Variants in MAF observed in about 807,000 individuals in gnomAD.
MAF encodes transcription factor Maf.
MAF carries 10 observed loss-of-function variants against 22.0 expected under a neutral mutation model. The ratio of observed to expected loss-of-function variants is 0.45; its 90% confidence interval spans 0.28 to 0.77. MAF has a LOEUF of 0.77. MAF is among the 30% of genes least tolerant of loss of function. MAF has a pLI of 0.12. For missense variants in MAF, 544 were observed against 548.4 expected, an observed-to-expected ratio of 0.99 and a Z score of 0.08; for synonymous variants, 337 against 255.8, an observed-to-expected ratio of 1.32 and a Z score of -3.03.
chr16:79,289,306 G>A, the MAF span, among the ~76,000 whole-genome samples: 3 of 152,158 alleles, frequency 2.0e-5, no homozygotes, highest in African/African-American at 4.8e-5. Context: ...TTCTGGGATG[G>A]CGGGAGGTAG....
chr16:79,451,263 G>A, the MAF span, among the ~76,000 whole-genome samples: 1 of 152,166 alleles, frequency 6.6e-6, no homozygotes, highest in African/African-American at 2.4e-5. Flanking sequence ...GTAGTTATGT[G>A]GTAGGCATTT....
At chr16:79,220,250 C>T in the MAF span, among the ~76,000 whole-genome samples, 13 of 42,138 alleles carry the variant, frequency 3.1e-4, no homozygotes, top group East Asian at 7.5e-3. Flanking sequence ...AGTGAGACTC[C>T]ATCTCAAAAA....
At chr16:79,513,287 G>C in the MAF span, among the ~76,000 whole-genome samples, 4 of 152,222 alleles carry the variant, frequency 2.6e-5, no homozygotes, top group Admixed American at 2.0e-4. Flanking sequence ...ACAGAAACAT[G>C]ATTTTTAATT....
chr16:79,490,841 C>A, the MAF span, among the ~76,000 whole-genome samples: 1 of 152,182 alleles, frequency 6.6e-6, no homozygotes, highest in South Asian at 2.1e-4. Flanking sequence ...CACTCTTGGG[C>A]TGTCATGTTC....
downstream of MAF, among the ~76,000 whole-genome samples, chr16:79,589,659 T>G (rs1219213212): frequency 6.6e-6 from 1 of 152,130 alleles, no homozygotes; most frequent in Admixed American, 6.5e-5. Context: ...CGAGTCTTGC[T>G]CCCTCCCTCC....
At chr16:79,392,251 G>C in the MAF span, among the ~76,000 whole-genome samples, 2 of 147,698 alleles carry the variant, frequency 1.4e-5, no homozygotes, top group East Asian at 2.1e-4. Context: ...AGGAGAAAGA[G>C]AGAAAAGAGT....
At chr16:79,343,019 A>T in the MAF span, among the ~76,000 whole-genome samples, 1 of 152,330 alleles carries the variant, frequency 6.6e-6, no homozygotes, top group East Asian at 1.9e-4. Context: ...ACAGAAAAAA[A>T]GTCCTCTTGA....
Position 79,597,881 on chromosome 16 carries a change from G to A in MAF, c.1118+904C>T, listed in dbSNP as rs1913650859. On this transcript the variant is annotated intron_variant, in intron 1 of 1. Coordinates refer to ENST00000326043, the MANE Select transcript of MAF (RefSeq NM_005360.5). ...AGTTCATTGTTGCTAAGACAAAGTA[G>A]CAAGCATAATAATGCATGAGATGAG... 4 of 1,033,622 alleles carry A rather than the reference G, an allele frequency of 3.9e-6. No homozygotes were observed. The South Asian group carries it at 1.8e-4, about 48-fold the overall frequency. 64.0% of individuals were successfully genotyped at this position (1,033,622 alleles called of 1,614,324 possible). A position where few individuals can be genotyped will look rare whatever the true frequency, so the allele number is the denominator to read the frequency against.
chr16:79,341,154 T>C, the MAF span, among the ~76,000 whole-genome samples: 3 of 151,966 alleles, frequency 2.0e-5, no homozygotes, highest in Non-Finnish European at 4.4e-5. Flanking sequence ...AGAACATAGG[T>C]ACAGGTTCTG....
At chr16:79,313,105 G>A in the MAF span, among the ~76,000 whole-genome samples, 2 of 152,220 alleles carry the variant, frequency 1.3e-5, no homozygotes, top group East Asian at 3.9e-4. Flanking sequence ...CTGCAAAGGG[G>A]AATGTTAATA....
At chr16:79,248,243 T>G in the MAF span, among the ~76,000 whole-genome samples, 1 of 152,232 alleles carries the variant, frequency 6.6e-6, no homozygotes, top group South Asian at 2.1e-4. Context: ...GAGAGCCACT[T>G]AGAATTAAAT....
chr16:79,331,340 G>T, the MAF span, among the ~76,000 whole-genome samples: 2 of 152,204 alleles, frequency 1.3e-5, no homozygotes, highest in East Asian at 3.9e-4. Flanking sequence ...TGGCTTCAGA[G>T]AAACCTTAAA....
the MAF span, among the ~76,000 whole-genome samples, chr16:79,480,491 G>T: frequency 1.3e-5 from 2 of 152,178 alleles, no homozygotes; most frequent in Non-Finnish European, 2.9e-5. Flanking sequence ...GCTCAGAAGT[G>T]TGGAAATCAG....
the MAF span, among the ~76,000 whole-genome samples, chr16:79,273,391 G>T: frequency 6.6e-6 from 1 of 152,174 alleles, no homozygotes; most frequent in Admixed American, 6.5e-5. Flanking sequence ...CTTTTATCCT[G>T]ATGAGTGAAA....
chr16:79,477,623 C>T, the MAF span, among the ~76,000 whole-genome samples: 1 of 152,160 alleles, frequency 6.6e-6, no homozygotes, highest in Non-Finnish European at 1.5e-5. Flanking sequence ...TTAATCAACC[C>T]TGGTTTTCTC....
the MAF span, among the ~76,000 whole-genome samples, chr16:79,399,616 G>A: frequency 8.5e-5 from 13 of 152,152 alleles, no homozygotes; most frequent in Admixed American, 7.9e-4. Context: ...CAGCCAGGGA[G>A]GGGTGTTTTT....
chr16:79,328,876 T>A, the MAF span, among the ~76,000 whole-genome samples: 1 of 152,234 alleles, frequency 6.6e-6, no homozygotes, highest in African/African-American at 2.4e-5. Context: ...GCCAAGGCGT[T>A]TAACTCTCAG....
the MAF span, among the ~76,000 whole-genome samples, chr16:79,548,239 T>C: frequency 6.6e-6 from 1 of 152,236 alleles, no homozygotes. Flanking sequence ...ATATCATATA[T>C]ATTTCTAAGT....
the MAF span, among the ~76,000 whole-genome samples, chr16:79,468,501 A>G: frequency 6.6e-6 from 1 of 152,086 alleles, no homozygotes; most frequent in African/African-American, 2.4e-5. Context: ...TTGCCTCAAG[A>G]ATGTATTTTG....
Sources: gnomAD v4.1 joint callset for allele counts (sites outside exome capture counted in the v4.1 genomes callset) on GRCh38, gnomAD v4.1.1 for gene constraint, MANE v1.5 for transcripts, NCBI Gene and HGNC (gene_info 2026-07-23, HGNC 2026-07-21) for gene names.